Variants in COA1 observed in about 807,000 individuals in gnomAD.
COA1 encodes the protein cytochrome c oxidase assembly factor 1 homolog.
COA1 carries 13 observed loss-of-function variants against 16.0 expected under a neutral mutation model. The ratio of observed to expected loss-of-function variants is 0.81; its 90% CI spans 0.53 to 1.29. COA1 has a LOEUF of 1.29. COA1 is among the 50% of genes most tolerant of loss of function. The probability of loss-of-function intolerance (pLI) is 0.00; values close to 1 mark genes in which losing one functional copy is unlikely to be tolerated. For missense variants in COA1, 179 were observed against 177.0 expected, an observed-to-expected ratio of 1.01 and a Z score of -0.06; for synonymous variants, 65 against 65.7, an observed-to-expected ratio of 0.99 and a Z score of 0.05.
intron 1 of COA1, among the ~76,000 whole-genome samples, chr7:43,691,233 A>C: frequency 7.1e-6 from 1 of 141,562 alleles, no homozygotes; most frequent in African/African-American, 2.7e-5. Flanking sequence ...TGGGTGACAA[A>C]GCAAGACCTT....
intron 1 of COA1, among the ~76,000 whole-genome samples, chr7:43,654,307 C>A (rs1229193512): frequency 1.3e-5 from 2 of 152,104 alleles, no homozygotes; most frequent in Admixed American, 1.3e-4. Flanking sequence ...CCTAAGTAAA[C>A]CCAGCAGTAA....
intron 1 of COA1, among the ~76,000 whole-genome samples, chr7:43,725,873 A>ATT (rs1420584609): frequency 6.7e-6 from 1 of 150,136 alleles, no homozygotes. Context: ...AAATATATAT[A>ATT]TTATATATAT....
intron 4 of COA1, among the ~76,000 whole-genome samples, chr7:43,643,161 T>C (rs915242196): frequency 6.6e-6 from 1 of 152,120 alleles, no homozygotes; most frequent in Non-Finnish European, 1.5e-5. Context: ...GAAGGCGCCC[T>C]CTCAGCACCA....
At chr7:43,724,331 T>G (rs753157737) in intron 1 of COA1, among the ~76,000 whole-genome samples, 10 of 152,066 alleles carry the variant, frequency 6.6e-5, no homozygotes, top group Non-Finnish European at 1.0e-4. Flanking sequence ...GGTGGGCGGA[T>G]CCCTTGAGGT....
intron 1 of COA1, among the ~76,000 whole-genome samples, chr7:43,722,620 C>T (rs2095532393): frequency 6.6e-6 from 1 of 151,784 alleles, no homozygotes; most frequent in South Asian, 2.1e-4. Context: ...CCAGGCTGGT[C>T]TGGAACTCCT....
At chr7:43,682,663 ATTTT>A (rs1220586004) in intron 1 of COA1, among the ~76,000 whole-genome samples, 1 of 152,014 alleles carries the variant, frequency 6.6e-6, no homozygotes, top group Non-Finnish European at 1.5e-5. Flanking sequence ...TTTTAGGATG[ATTTT>A]TTTTAAAGTT....
At chr7:43,617,796 C>A (rs1222907385) in intron 6 of COA1, among the ~76,000 whole-genome samples, 2 of 152,092 alleles carry the variant, frequency 1.3e-5, no homozygotes, top group Non-Finnish European at 2.9e-5. Flanking sequence ...GAGGAAAGGC[C>A]TCAAGATCAA....
At chr7:43,696,357 G>A (rs1057310145) in intron 1 of COA1, among the ~76,000 whole-genome samples, 9 of 152,132 alleles carry the variant, frequency 5.9e-5, no homozygotes, top group African/African-American at 7.2e-5. Flanking sequence ...ACCTGGCCCC[G>A]CCATTGACAT....
intron 1 of COA1, among the ~76,000 whole-genome samples, chr7:43,723,018 T>C (rs1010900044): frequency 6.6e-6 from 1 of 152,196 alleles, no homozygotes; most frequent in South Asian, 2.1e-4. Flanking sequence ...CCTGATAATA[T>C]ACTTGCTGTT....
At chr7:43,722,604 T>C (rs10951741) in intron 1 of COA1, among the ~76,000 whole-genome samples, 15,343 of 150,708 alleles carry the variant, frequency 0.1, 975 homozygotes, top group Admixed American at 0.19. Flanking sequence ...GGTTTCACCA[T>C]GTTGGCCAGG....
intron 1 of COA1, among the ~76,000 whole-genome samples, chr7:43,698,663 C>CTAA (rs1173456508): frequency 5.3e-5 from 8 of 152,182 alleles, no homozygotes; most frequent in Admixed American, 1.3e-4. Flanking sequence ...CCTTATTATG[C>CTAA]TAATCATTTG....
chr7:43,644,791 C>CAGACAGAGAGAGAGAGAGAGAG (rs1563229816), intron 4 of COA1, among the ~76,000 whole-genome samples: 18 of 23,696 alleles, frequency 7.6e-4, no homozygotes, highest in African/African-American at 2.7e-3. Flanking sequence ...GGCAGGCAGG[C>CAGACAGAGAGAGAGAGAGAGAG]AGAGAGACAG....
intron 4 of COA1, chr7:43,641,437 C>T: frequency 6.6e-6 from 1 of 151,918 alleles, no homozygotes; most frequent in Non-Finnish European, 1.5e-5. Context: ...AATACAGATT[C>T]ATGGAAACAG....
intron 2 of COA1, 116 bp from the exon 3 acceptor site, chr7:43,647,750 A>C (rs2089809945): frequency 1.4e-6 from 1 of 724,798 alleles, no homozygotes; most frequent in African/African-American, 1.8e-5. Context: ...AGGAGGCCAG[A>C]CCGCCCTCCC....
intron 1 of COA1, among the ~76,000 whole-genome samples, chr7:43,659,575 T>C (rs1252728993): frequency 6.6e-6 from 1 of 152,234 alleles, no homozygotes; most frequent in Non-Finnish European, 1.5e-5. Flanking sequence ...TACTTCAGCA[T>C]TCCTATTAAG....
At chr7:43,651,867 T>C (rs975015681) in intron 1 of COA1, among the ~76,000 whole-genome samples, 5 of 151,962 alleles carry the variant, frequency 3.3e-5, no homozygotes, top group Non-Finnish European at 7.4e-5. Context: ...TGTAGTTGCA[T>C]GCACCTGTGG....
At chr7:43,650,891 A>T (rs916410600) in intron 1 of COA1, among the ~76,000 whole-genome samples, 1 of 151,026 alleles carries the variant, frequency 6.6e-6, no homozygotes, top group Non-Finnish European at 1.5e-5. Flanking sequence ...TCAGGCAGTG[A>T]GGATCAACCA....
chr7:43,635,349 T>C (rs906421046), downstream of COA1, among the ~76,000 whole-genome samples: 3 of 152,156 alleles, frequency 2.0e-5, no homozygotes, highest in Non-Finnish European at 2.9e-5. Context: ...CAGGGTGCAC[T>C]AGGTTAAGCT....
chr7:43,628,535 T>G (rs1471645056), intron 6 of COA1, among the ~76,000 whole-genome samples: 1 of 152,236 alleles, frequency 6.6e-6, no homozygotes, highest in Non-Finnish European at 1.5e-5. Context: ...CCCAACAGTT[T>G]TCTAAAACCA....
Sources: allele counts gnomAD v4.1 joint callset (sites outside exome capture counted in the v4.1 genomes callset), GRCh38; gene constraint gnomAD v4.1.1; transcripts MANE v1.5; gene names NCBI Gene and HGNC (gene_info 2026-07-23, HGNC 2026-07-21).